PCM1: variants seen among roughly 807,000 people sequenced by gnomAD.
PCM1 encodes pericentriolar material 1, also known as pericentriolar material 1 protein.
A neutral mutation model predicts 241.9 loss-of-function variants in PCM1; 157 were observed. The observed-to-expected ratio is 0.65, with a 90% CI of 0.57 to 0.74. PCM1 has a LOEUF of 0.74. PCM1 is among the 30% of genes least tolerant of loss of function. The pLI, the probability that PCM1 is intolerant of heterozygous loss-of-function variation, is 0.00. For missense variants in PCM1, 3,478 were observed against 2,360.1 expected (o/e 1.47, Z -9.81); for synonymous variants, 1,085 against 784.9 (o/e 1.38, Z -6.39).
At position 18,025,656 on chromosome 8, in the gene PCM1, C is replaced by T. The variant is rs764584256; in HGVS notation, c.6047C>T (p.Pro2016Leu). Residue 2016 changes from proline (P) to leucine (L), a missense_variant and splice_region_variant, in exon 38 of 39, where the codon CCT becomes CTT. Physicochemically the swap from Pro to Leu is moderately conservative, Grantham distance 98 (BLOSUM62 -3). Transcript: ENST00000325083. ...GGAAATTCTGAGACACTAAAAGAAC[C>T]TGGTAAGAGTTATCAATTTAAATCT... ...LAGNSETLKE[P>L]ETVGAQSI 2.1e-5 allele frequency: 31 copies of T among 1,492,964 alleles called. No individual in the cohort carries two copies. Among genetic ancestry groups the T allele is most frequent in the African/African-American group, 8.3e-5 (6 of 72,074 alleles). 92.5% of individuals were successfully genotyped at this position (1,492,964 alleles called of 1,614,324 possible).
intron 18 of PCM1, 27 bp downstream of exon 18, chr8:17,964,795 CTTAAT>C (rs750101648): frequency 6.4e-7 from 1 of 1,571,602 alleles, no homozygotes; most frequent in South Asian, 1.1e-5. Context: ...TAATTTTGTG[CTTAAT>C]TTAAGAGGCT....
intron 10 of PCM1, 95 bp downstream of exon 10, chr8:17,955,748 A>G (rs2068054993): frequency 1.1e-6 from 1 of 934,538 alleles, no homozygotes; most frequent in Admixed American, 2.0e-5. Flanking sequence ...AACGAGATTT[A>G]TTTAATATTG....
intron 36 of PCM1, among the ~76,000 whole-genome samples, chr8:18,023,607 TAATA>T (rs1389387987): frequency 6.6e-6 from 1 of 152,218 alleles, no homozygotes; most frequent in Non-Finnish European, 1.5e-5. Context: ...TAAAAGATCT[TAATA>T]AATCAGAATT....
chr8:17,989,109 TAAA>T (rs546644143), intron 26 of PCM1, among the ~76,000 whole-genome samples: 16 of 152,080 alleles, frequency 1.1e-4, no homozygotes, highest in African/African-American at 3.6e-4. Context: ...GTGCAGCCAT[TAAA>T]AAATAATTTC....
At position 17,957,635 on chromosome 8, in the gene PCM1, A is replaced by G. The variant is rs2069210927; in HGVS notation, c.1900A>G (p.Ser634Gly). 1 of 1,589,510 alleles carries G rather than the reference A, an allele frequency of 6.3e-7. No homozygotes were observed. Among genetic ancestry groups the G allele is most frequent in the Non-Finnish European group, 8.6e-7 (1 of 1,166,776 alleles). ...GGAAGAAGCAGAAGAGGAGGGAGTC[A>G]GTGGAGCTTCATTATCTAGTCACAG... ...EEEEAEEEGV[S>G]GASLSSHRSS... Residue 634 changes from serine to glycine, a missense_variant, in exon 13 of 39, where the codon AGT becomes GGT. Physicochemically the swap from Ser to Gly is moderately conservative, Grantham distance 56. Coordinates refer to ENST00000325083, the MANE Select transcript of PCM1 (RefSeq NM_006197.4).
rs773727032 is a variant in PCM1 at position 17,955,572 on chromosome 8, C to G, written c.1391C>G (p.Ser464Cys). 1.9e-6 allele frequency: 3 copies of G among 1,613,594 alleles called. No homozygotes were observed. The highest frequency in any genetic ancestry group is 2.2e-5 in the East Asian group (1 of 44,866). ...VNGESNSLTS[S>C]VPYPTASLVS... ...GGAGAATCCAATAGCCTCACATCAT[C>G]TGTTCCTTATCCTACTGCTTCTCTA... The change falls in exon 10 of 39, where the codon TCT becomes TGT. Residue 464 changes from serine (S) to cysteine (C), a missense_variant. By Grantham distance (112) the Ser-to-Cys change is moderately radical. Transcript: ENST00000325083.
At chr8:17,997,899 G>A (rs542717599) in intron 29 of PCM1, among the ~76,000 whole-genome samples, 1 of 151,644 alleles carries the variant, frequency 6.6e-6, no homozygotes, top group East Asian at 1.9e-4. Context: ...AGCTGGACAT[G>A]GTGGTGCGCA....
chr8:17,956,678 T>G lies in PCM1; in HGVS notation c.1547T>G (p.Met516Arg). 6.3e-7 allele frequency: 1 copy of G among 1,599,634 alleles called. No homozygotes were observed. The highest frequency in any genetic ancestry group is 8.6e-7 in the Non-Finnish European group (1 of 1,169,152). ...LVHYYEQTSD[M>R]MTDAVNENRK... ...CATTATTATGAACAAACGTCAGACA[T>G]GATGACAGATGCTGTGAATGAAAAC... is the stretch of plus-strand genomic sequence containing the variant. Residue 516 changes from methionine to arginine, a missense_variant, in exon 11 of 39, where the codon ATG becomes AGG. Physicochemically the swap from Met to Arg is moderately conservative, Grantham distance 91 (BLOSUM62 -1). Coordinates refer to ENST00000325083, the MANE Select transcript of PCM1 (RefSeq NM_006197.4).
chr8:17,983,221 C>G (rs749454978), intron 24 of PCM1: 2 of 1,310,186 alleles, frequency 1.5e-6, no homozygotes, highest in South Asian at 1.2e-5. Flanking sequence ...TTATGTCTGC[C>G]CTTTCCTACA....
At chr8:17,999,343 G>C (rs143629494) in intron 29 of PCM1, among the ~76,000 whole-genome samples, 2 of 152,024 alleles carry the variant, frequency 1.3e-5, no homozygotes, top group Admixed American at 1.3e-4. Flanking sequence ...AAGGTTCAAG[G>C]GCTCTTTAGT....
rs1478836126 is a variant in PCM1 at position 18,009,763 on chromosome 8, G to GTC, written c.5160+19_5160+20insTC. 7.4e-7 allele frequency: 1 copy of GTC among 1,346,856 alleles called. No homozygotes were observed. The highest frequency in any genetic ancestry group is 2.5e-5 in the East Asian group (1 of 39,472). 83.4% of individuals were successfully genotyped at this position (1,346,856 alleles called of 1,614,324 possible). A position where few individuals can be genotyped will look rare whatever the true frequency, so the allele number is the denominator to read the frequency against. On this transcript the variant is annotated intron_variant, in intron 31 of 38. Transcript: ENST00000325083. ...CAAAGAGGTAAATAACGTTCATTTT[G>GTC]ATTTTTAGGATAATTGACACATAAA...
intron 16 of PCM1, 22 bp downstream of exon 16, chr8:17,962,196 T>G: frequency 1.3e-6 from 2 of 1,578,600 alleles, no homozygotes; most frequent in South Asian, 1.2e-5. Context: ...TGTACTCTCT[T>G]GTTCCTGAGT....
At position 18,028,457 on chromosome 8, in the gene PCM1, A is replaced by ACTT. The variant is rs199764632; in HGVS notation, c.*796_*798dup. 33 of 193,688 alleles carry ACTT rather than the reference A, an allele frequency of 1.7e-4. 1 individual carries two copies. Among genetic ancestry groups the ACTT allele is most frequent in the Admixed American group, 1.6e-3 (26 of 16,414 alleles). The allele number at this position is 193,688 out of a possible 1,614,324, so 12.0% of individuals were successfully genotyped here. A position where few individuals can be genotyped will look rare whatever the true frequency, so the allele number is the denominator to read the frequency against. Reference sequence around the variant, plus strand: ...CATTGTGGTTAATTTTAAATGAAAAACTTAACTTTTTCAAGTGGGGATAAA... The same window carrying ACTT: ...CATTGTGGTTAATTTTAAATGAAAAACTTCTTAACTTTTTCAAGTGGGGATAAA... On this transcript the variant is annotated 3_prime_UTR_variant, in exon 39 of 39. Coordinates refer to ENST00000325083, the MANE Select transcript of PCM1 (RefSeq NM_006197.4).
chr8:17,962,555 GAA>G (rs1160962077), intron 16 of PCM1, among the ~76,000 whole-genome samples: 1 of 152,006 alleles, frequency 6.6e-6, no homozygotes, highest in Non-Finnish European at 1.5e-5. Flanking sequence ...GTGGTTTGTA[GAA>G]AATATAATTT....
chr8:18,008,143 A>G (rs2129484732), intron 30 of PCM1, among the ~76,000 whole-genome samples: 1 of 152,266 alleles, frequency 6.6e-6, no homozygotes, highest in South Asian at 2.1e-4. Context: ...GGTGAGCAGC[A>G]GGCGAGTGAG....
chr8:18,011,409 T>A, intron 33 of PCM1, 43 bp downstream of exon 33: 1 of 1,450,058 alleles, frequency 6.9e-7, no homozygotes. Flanking sequence ...TTTAGTTTTT[T>A]GTAGGTCATT....
rs77761460 is a variant in PCM1, at chr8:18,017,416, T to C, written c.5841+2576T>C. On this transcript the variant is annotated intron_variant, in intron 36 of 38. Transcript: ENST00000325083. Reference sequence around the variant, plus strand: ...ACTGATATGGCTATATTAGTCACCATAGCTGAACATTTTGAGAGAACATTA... The same window carrying C: ...ACTGATATGGCTATATTAGTCACCACAGCTGAACATTTTGAGAGAACATTA... Among the ~76,000 whole-genome samples the C allele has an allele frequency of 2.0e-5, 3 of 152,224 alleles. No individual in the cohort carries two copies. In the South Asian group the frequency reaches 6.2e-4, roughly 32 times the overall value.
At position 17,960,443 on chromosome 8, in the gene PCM1, A is replaced by C. The variant is rs1321197906; in HGVS notation, c.2321A>C (p.Gln774Pro). The C allele has an allele frequency of 3.8e-6, 6 of 1,578,654 alleles. No homozygotes were observed. The highest frequency in any genetic ancestry group is 5.1e-6 in the Non-Finnish European group (6 of 1,168,022). ...QALQTACPDLQLSAASVGNCP... is the reference protein window; with the variant it reads ...QALQTACPDLPLSAASVGNCP... ...TTGCAAACGGCATGCCCTGACTTACAGGTAATTATGAAATTTATTTCTAAT... is the reference window on the plus strand; with the variant it reads ...TTGCAAACGGCATGCCCTGACTTACCGGTAATTATGAAATTTATTTCTAAT... The change falls in exon 15 of 39, where the codon CAG becomes CCG. Residue 774 changes from glutamine to proline, a missense_variant and splice_region_variant. Coordinates refer to ENST00000325083, the MANE Select transcript of PCM1 (RefSeq NM_006197.4).
rs925395062 is a variant in PCM1 at position 17,962,306 on chromosome 8, G to T, written c.2463+132G>T. 14 of 509,308 alleles carry T rather than the reference G, an allele frequency of 2.7e-5. No individual in the cohort carries two copies. In the South Asian group the frequency reaches 5.7e-4, roughly 21 times the overall value. 31.5% of individuals were successfully genotyped at this position (509,308 alleles called of 1,614,324 possible). The stretch of plus-strand genomic sequence containing the variant: ...GTTTGTAAATAGTAGTCTGCTTTGT[G>T]CCTTTTTTAGTAGACACAAAAATGT... On this transcript the variant is annotated intron_variant, in intron 16 of 38. Coordinates refer to ENST00000325083, the MANE Select transcript of PCM1 (RefSeq NM_006197.4).
Sources: gnomAD v4.1 joint callset for allele counts (sites outside exome capture counted in the v4.1 genomes callset) on GRCh38, gnomAD v4.1.1 for gene constraint, MANE v1.5 for transcripts, NCBI Gene and HGNC (gene_info 2026-07-23, HGNC 2026-07-21) for gene names.